Variants in WASL observed in about 807,000 individuals in gnomAD.
WASL encodes the protein WASP like actin nucleation promoting factor.
WASL carries 20 observed loss-of-function variants against 55.5 expected under a neutral mutation model. That is an observed-to-expected ratio of 0.36 (90% CI 0.25 to 0.52). The LOEUF (loss-of-function observed/expected upper bound fraction) is 0.52. Among genes scored for constraint, WASL ranks in the 20% least tolerant of loss-of-function variants. WASL has a pLI of 0.92. For missense variants in WASL, 504 were observed against 622.5 expected (o/e 0.81, Z 2.03); for synonymous variants, 249 against 217.6 (o/e 1.14, Z -1.27).
chr7:123,695,280 T>C (rs1263118716), intron 7 of WASL, among the ~76,000 whole-genome samples: 2 of 152,168 alleles, frequency 1.3e-5, no homozygotes, highest in African/African-American at 4.8e-5. Flanking sequence ...GTGCTCAGTA[T>C]GTTTGTTGAG....
intron 1 of WASL, among the ~76,000 whole-genome samples, chr7:123,744,366 T>G (rs1804395124): frequency 6.6e-6 from 1 of 152,168 alleles, no homozygotes; most frequent in African/African-American, 2.4e-5. Context: ...TAATTATAAT[T>G]ATTCAATCAA....
intron 1 of WASL, among the ~76,000 whole-genome samples, chr7:123,736,492 G>C (rs1279231547): frequency 6.6e-6 from 1 of 152,118 alleles, no homozygotes; most frequent in Non-Finnish European, 1.5e-5. Context: ...AACATTTGTA[G>C]AAGTAAAATA....
intron 1 of WASL, among the ~76,000 whole-genome samples, chr7:123,728,627 G>C (rs1389914936): frequency 1.3e-5 from 2 of 152,088 alleles, no homozygotes; most frequent in Non-Finnish European, 2.9e-5. Context: ...AGATCACGAG[G>C]TCAGGAGTTC....
chr7:123,742,236 C>T (rs3807634), intron 1 of WASL, among the ~76,000 whole-genome samples: 66,033 of 152,018 alleles, frequency 0.43, 14,876 homozygotes, highest in South Asian at 0.66. Context: ...AAAAGCATGC[C>T]TAATTTTGGC....
intron 1 of WASL, among the ~76,000 whole-genome samples, chr7:123,713,596 G>C (rs1210961124): frequency 6.6e-6 from 1 of 152,166 alleles, no homozygotes; most frequent in Non-Finnish European, 1.5e-5. Flanking sequence ...GCATGTATCT[G>C]AATGTTGCAT....
rs994315610 is a variant in WASL at position 123,720,877 on chromosome 7, T to TA, written c.118-11655dup. The stretch of plus-strand genomic sequence containing the variant: ...AAATTGATTTAAAATATATACACGT[T>TA]AAAAAAAAAAGACCTACTCAAATCA... On this transcript the variant is annotated intron_variant, in intron 1 of 10. Coordinates refer to ENST00000223023, the MANE Select transcript of WASL (RefSeq NM_003941.4). Among the ~76,000 whole-genome samples the TA allele has an allele frequency of 5.8e-3, 858 of 147,034 alleles. 12 individuals are homozygous for TA. The highest frequency in any genetic ancestry group is 0.02 in the African/African-American group (802 of 40,268).
At chr7:123,691,052 T>C (rs1304583960) in intron 9 of WASL, among the ~76,000 whole-genome samples, 3 of 152,218 alleles carry the variant, frequency 2.0e-5, no homozygotes, top group Non-Finnish European at 4.4e-5. Flanking sequence ...AAGAGCTAGA[T>C]ATATTTTAAA....
chr7:123,692,795 G>C lies in WASL; in HGVS notation c.899C>G (p.Pro300Arg), dbSNP rs1470821119. Reference sequence around the variant, plus strand: ...GCCTCTTCCCCTAGCAGGAGGAGGAGGAGGACCTGAGTTGTGTGGAGGGGG... The same window carrying C: ...GCCTCTTCCCCTAGCAGGAGGAGGACGAGGACCTGAGTTGTGTGGAGGGGG... ...PPPPPHNSGP[P>R]PPPARGRGAP... The change falls in exon 9 of 11, where the codon CCT becomes CGT. Residue 300 changes from proline to arginine, a missense_variant. Physicochemically the swap from Pro to Arg is moderately radical, Grantham distance 103. Coordinates refer to ENST00000223023, the MANE Select transcript of WASL (RefSeq NM_003941.4). 1 of 1,471,112 alleles carries C rather than the reference G, an allele frequency of 6.8e-7. No individual in the cohort carries two copies. Among genetic ancestry groups the C allele is most frequent in the Admixed American group, 2.5e-5 (1 of 39,892 alleles). The allele number at this position is 1,471,112 out of a possible 1,614,324, so 91.1% of individuals were successfully genotyped here.
intron 7 of WASL, among the ~76,000 whole-genome samples, chr7:123,695,417 C>G (rs1405783606): frequency 2.0e-5 from 3 of 152,070 alleles, no homozygotes; most frequent in African/African-American, 7.2e-5. Context: ...TGCTATAAAA[C>G]AACGGCAAAA....
chr7:123,692,401 G>C lies in WASL; in HGVS notation c.1293C>G (p.Cys431Trp), dbSNP rs1227194667. The C allele has an allele frequency of 2.5e-6, 4 of 1,613,738 alleles. No individual in the cohort carries two copies. The highest frequency in any genetic ancestry group is 3.4e-6 in the Non-Finnish European group (4 of 1,180,006). ...GGTCTAACAGTGCATCTCGTCCAGAGCAGGACACTGGCCGACTGTTCTGCT... is the reference window on the plus strand; with the variant it reads ...GGTCTAACAGTGCATCTCGTCCAGACCAGGACACTGGCCGACTGTTCTGCT... The part of the protein sequence containing the change: ...KVEQNSRPVS[C>W]SGRDALLDQI... Residue 431 changes from cysteine to tryptophan, a missense_variant, in exon 9 of 11, where the codon TGC (cysteine) becomes TGG (tryptophan). This residue lies in a region of WASL where 201 missense variants were observed against 206.2 expected (regional missense o/e 0.97). Transcript: ENST00000223023.
intron 1 of WASL, 29 bp downstream of exon 1, chr7:123,748,589 G>C (rs1329510171): frequency 2.5e-6 from 4 of 1,608,750 alleles, no homozygotes; most frequent in South Asian, 2.2e-5. Context: ...GTAATGTCAC[G>C]GGTGGCGACG....
Position 123,716,635 on chromosome 7 carries a change from G to GGGAGAGAGAGGT in WASL, c.118-7424_118-7413dup, listed in dbSNP as rs554758897. 2.9e-4 allele frequency among the ~76,000 whole-genome samples: 44 copies of GGGAGAGAGAGGT among 151,904 alleles called. No individual in the cohort carries two copies. The East Asian group carries it at 8.6e-3, about 30-fold the overall frequency. On this transcript the variant is annotated intron_variant, in intron 1 of 10. Transcript: ENST00000223023. ...AGGGAGAGTGCAACTGCAGGATGGA[G>GGGAGAGAGAGGT]GGAGAGAGAGGTAAAGAGAGAGGGA...
intron 1 of WASL, among the ~76,000 whole-genome samples, chr7:123,730,304 T>C (rs1158958488): frequency 6.6e-6 from 1 of 152,184 alleles, no homozygotes; most frequent in African/African-American, 2.4e-5. Flanking sequence ...TGAATAATTT[T>C]TTTCTTTTTA....
intron 1 of WASL, among the ~76,000 whole-genome samples, chr7:123,722,312 C>T (rs1803962332): frequency 6.6e-6 from 1 of 152,016 alleles, no homozygotes; most frequent in South Asian, 2.1e-4. Flanking sequence ...AACAGAAGGT[C>T]AAAGTTGGGA....
chr7:123,740,521 ATACT>A (rs915815862), intron 1 of WASL, among the ~76,000 whole-genome samples: 3 of 152,192 alleles, frequency 2.0e-5, no homozygotes, highest in Non-Finnish European at 2.9e-5. Flanking sequence ...TAATTACTAA[ATACT>A]TAATACAGCA....
chr7:123,688,522 GCTAA>G (rs1803335308), intron 10 of WASL, among the ~76,000 whole-genome samples: 1 of 152,052 alleles, frequency 6.6e-6, no homozygotes, highest in East Asian at 1.9e-4. Context: ...CACCACGCCG[GCTAA>G]CTTTTTTGTA....
Position 123,689,026 on chromosome 7 carries a change from C to T in WASL, c.1456+16G>A. On this transcript the variant is annotated intron_variant, in intron 10 of 10. Transcript: ENST00000223023. Reference sequence around the variant, plus strand: ...TCTCTGTCTCTCTCTCTCTCTCTCTCTCTCTCTCTCTCTACCTGAAGAATG... The same window carrying T: ...TCTCTGTCTCTCTCTCTCTCTCTCTTTCTCTCTCTCTCTACCTGAAGAATG... 1 of 1,594,424 alleles carries T rather than the reference C, an allele frequency of 6.3e-7. No individual in the cohort carries two copies. Among genetic ancestry groups the T allele is most frequent in the Non-Finnish European group, 8.6e-7 (1 of 1,164,548 alleles).
intron 1 of WASL, among the ~76,000 whole-genome samples, chr7:123,743,821 C>G (rs1376972380): frequency 1.3e-5 from 2 of 152,126 alleles, no homozygotes; most frequent in Non-Finnish European, 2.9e-5. Context: ...AGAAATGTCC[C>G]TGTATTATAT....
intron 10 of WASL, 62 bp downstream of exon 10, chr7:123,688,980 A>G: frequency 7.2e-7 from 1 of 1,384,972 alleles, no homozygotes; most frequent in Non-Finnish European, 1.0e-6. Context: ...ATTCAAATTT[A>G]TTAAACACAC....
Sources: allele counts gnomAD v4.1 joint callset (sites outside exome capture counted in the v4.1 genomes callset), GRCh38; gene constraint gnomAD v4.1.1; regional missense constraint gnomAD v4.1.1; transcripts MANE v1.5; gene names NCBI Gene and HGNC (gene_info 2026-07-23, HGNC 2026-07-21).